The following NT5M variants were observed in gnomAD, a reference collection of about 807,000 sequenced individuals.
NT5M encodes 5'(3')-deoxyribonucleotidase, mitochondrial.
In NT5M, 22 loss-of-function variants were observed where a neutral mutation model predicts 22.2. The observed-to-expected ratio is 0.99, with a 90% confidence interval of 0.71 to 1.41. NT5M has a LOEUF of 1.41. NT5M is among the 40% of genes most tolerant of loss of function. The probability of loss-of-function intolerance (pLI) is 0.00; values close to 1 mark genes in which losing one functional copy is unlikely to be tolerated. For synonymous variants in NT5M, 167 were observed against 133.0 expected (o/e 1.26, Z -1.76); for missense variants, 322 against 314.8 (o/e 1.02, Z -0.17).
At position 17,344,897 on chromosome 17, in the gene NT5M, C is replaced by T. The variant is rs528161537; in HGVS notation, c.533C>T (p.Pro178Leu). The change falls in exon 4 of 5, where the codon CCG becomes CTG. Residue 178 changes from proline to leucine, a missense_variant. Coordinates refer to ENST00000389022, the MANE Select transcript of NT5M (RefSeq NM_020201.4). ...VSADLLIDDR[P>L]DITGAEPTPS... The stretch of plus-strand genomic sequence containing the variant: ...GCTGACCTTCTCATAGACGACCGGC[C>T]GGACATCACAGGCAAGTGGCCTGCG... 19 of 1,614,170 alleles carry T rather than the reference C, an allele frequency of 1.2e-5. No individual in the cohort carries two copies. Among genetic ancestry groups the T allele is most frequent in the Middle Eastern group, 3.3e-4 (2 of 6,062 alleles).
chr17:17,321,137 A>G (rs2049143115), intron 2 of NT5M, among the ~76,000 whole-genome samples: 1 of 151,816 alleles, frequency 6.6e-6, no homozygotes, highest in Non-Finnish European at 1.5e-5. Flanking sequence ...ATGAGGAGTC[A>G]TGGAGGAGGA....
intron 3 of NT5M, among the ~76,000 whole-genome samples, chr17:17,333,959 G>T (rs988505585): frequency 4.7e-5 from 7 of 150,306 alleles, no homozygotes; most frequent in Non-Finnish European, 1.0e-4. Flanking sequence ...TCAGCCTCCC[G>T]AGTAGCTGGG....
At chr17:17,336,253 T>C (rs986829078) in intron 3 of NT5M, among the ~76,000 whole-genome samples, 1 of 151,916 alleles carries the variant, frequency 6.6e-6, no homozygotes, top group Non-Finnish European at 1.5e-5. Context: ...CCGCCTGCCT[T>C]GGCCTCCCAA....
At chr17:17,310,285 A>G (rs1446927936) in intron 2 of NT5M, among the ~76,000 whole-genome samples, 1 of 152,180 alleles carries the variant, frequency 6.6e-6, no homozygotes, top group Non-Finnish European at 1.5e-5. Flanking sequence ...ACAGTGGCTC[A>G]TGCCTGTAAT....
chr17:17,323,587 G>A (rs2049200913), intron 3 of NT5M, among the ~76,000 whole-genome samples: 1 of 152,214 alleles, frequency 6.6e-6, no homozygotes, highest in South Asian at 2.1e-4. Flanking sequence ...TCATTTTGCT[G>A]TATACTCACT....
At chr17:17,341,022 A>T (rs1018005000) in intron 3 of NT5M, among the ~76,000 whole-genome samples, 1 of 151,948 alleles carries the variant, frequency 6.6e-6, no homozygotes, top group Non-Finnish European at 1.5e-5. Flanking sequence ...TTGTACTTCC[A>T]TTATCATGTG....
At chr17:17,345,141 C>A in intron 4 of NT5M, 1 of 1,022,450 alleles carries the variant, frequency 9.8e-7, no homozygotes, top group Non-Finnish European at 1.3e-6. Flanking sequence ...TGAGGGGTGG[C>A]CTTGGGGAAG....
chr17:17,329,230 G>A (rs1339373996), intron 3 of NT5M, among the ~76,000 whole-genome samples: 3 of 152,226 alleles, frequency 2.0e-5, no homozygotes, highest in South Asian at 2.1e-4. Flanking sequence ...TGCCCGCCTC[G>A]GCCTCCCAAG....
At chr17:17,304,033 C>A (rs1301012249) in intron 1 of NT5M, 4 of 1,197,128 alleles carry the variant, frequency 3.3e-6, no homozygotes, top group South Asian at 3.7e-5. Context: ...TCTGAAAATG[C>A]GGGAGAGTAC....
At chr17:17,320,366 T>A (rs1029574256) in intron 2 of NT5M, among the ~76,000 whole-genome samples, 3 of 151,816 alleles carry the variant, frequency 2.0e-5, no homozygotes, top group Admixed American at 2.0e-4. Flanking sequence ...TTGACTAGGG[T>A]GAGGTCTGTG....
Position 17,347,107 on chromosome 17 carries a change from T to A in NT5M, c.*160T>A. On this transcript the variant is annotated 3_prime_UTR_variant, in exon 5 of 5. Transcript: ENST00000389022. ...TCCCTTCCCCAGCCCTGCCAGGCCT[T>A]AACCTGATCACGGGGCAGGGCTGGG... 1.1e-6 allele frequency: 1 copy of A among 946,904 alleles called. No homozygotes were observed. The highest frequency in any genetic ancestry group is 1.5e-6 in the Non-Finnish European group (1 of 652,754). The allele number at this position is 946,904 out of a possible 1,614,324, so 58.7% of individuals were successfully genotyped here.
intron 3 of NT5M, among the ~76,000 whole-genome samples, chr17:17,329,087 C>T (rs2049322886): frequency 6.6e-6 from 1 of 152,192 alleles, no homozygotes; most frequent in Non-Finnish European, 1.5e-5. Context: ...ATGCCATTCT[C>T]CTGCCTCAGC....
At chr17:17,317,395 A>G (rs1597759494) in intron 2 of NT5M, among the ~76,000 whole-genome samples, 1 of 152,196 alleles carries the variant, frequency 6.6e-6, no homozygotes, top group African/African-American at 2.4e-5. Flanking sequence ...ATTTGGATAG[A>G]CATTTTTCCA....
intron 1 of NT5M, 146 bp downstream of exon 1, chr17:17,303,963 C>G: frequency 8.0e-7 from 1 of 1,254,004 alleles, no homozygotes; most frequent in Non-Finnish European, 1.0e-6. Flanking sequence ...GACTAGGGGC[C>G]ACAGCGCACC....
At chr17:17,304,559 A>G (rs1454160886) in intron 1 of NT5M, 2 of 485,110 alleles carry the variant, frequency 4.1e-6, no homozygotes, top group Non-Finnish European at 5.4e-6. Context: ...GTTTTTTGGC[A>G]TCCCTTGATT....
At chr17:17,312,820 A>G (rs912936660) in intron 2 of NT5M, among the ~76,000 whole-genome samples, 4 of 151,536 alleles carry the variant, frequency 2.6e-5, no homozygotes, top group Non-Finnish European at 5.9e-5. Flanking sequence ...AATAGTAATA[A>G]AAAGAAGCCA....
rs756600274 is a variant in NT5M, at chr17:17,303,628, CGGGCTGGGCCTGGCGGGA to C, written c.81_98del (p.Leu28_Gly33del). 6 of 1,325,378 alleles carry C rather than the reference CGGGCTGGGCCTGGCGGGA, an allele frequency of 4.5e-6. No homozygotes were observed. Among genetic ancestry groups the C allele is most frequent in the Admixed American group, 3.5e-5 (1 of 28,974 alleles). 82.1% of individuals were successfully genotyped at this position (1,325,378 alleles called of 1,614,324 possible). On this transcript the variant is annotated inframe_deletion, in exon 1 of 5. Coordinates refer to ENST00000389022, the MANE Select transcript of NT5M (RefSeq NM_020201.4). ...CCGCGGGGCGGCGCGGGGCGGCGGG[CGGGCTGGGCCTGGCGGGA>C]GGCCGCGCCCTACGGGTGCTGGTGG...
Position 17,347,152 on chromosome 17 carries a change from T to G in NT5M, c.*205T>G. 1 of 659,738 alleles carries G rather than the reference T, an allele frequency of 1.5e-6. No homozygotes were observed. Among genetic ancestry groups the G allele is most frequent in the Non-Finnish European group, 2.5e-6 (1 of 398,382 alleles). 40.9% of individuals were successfully genotyped at this position (659,738 alleles called of 1,614,324 possible). ...GCTGGGCCCTCTGGGCGCTTGGACA[T>G]AGACACGTGGTCCCAGGCCGTTCAG... On this transcript the variant is annotated 3_prime_UTR_variant, in exon 5 of 5. Coordinates refer to ENST00000389022, the MANE Select transcript of NT5M (RefSeq NM_020201.4).
intron 3 of NT5M, among the ~76,000 whole-genome samples, chr17:17,329,954 A>C (rs2049341724): frequency 6.6e-6 from 1 of 152,164 alleles, no homozygotes; most frequent in Admixed American, 6.6e-5. Flanking sequence ...CCTTAGTGAC[A>C]GAGTAATTCC....
Sources: allele counts gnomAD v4.1 joint callset (sites outside exome capture counted in the v4.1 genomes callset), GRCh38; gene constraint gnomAD v4.1.1; transcripts MANE v1.5; gene names NCBI Gene and HGNC (gene_info 2026-07-23, HGNC 2026-07-21).